ZNF410: variants seen among roughly 807,000 people sequenced by gnomAD.
ZNF410 encodes the protein another partner for ARF 1.
A neutral mutation model predicts 54.8 loss-of-function variants in ZNF410; 18 were observed. The observed-to-expected ratio is 0.33, with a 90% CI of 0.23 to 0.49. The LOEUF (loss-of-function observed/expected upper bound fraction) is 0.49, where lower values mean the gene tolerates loss of function less well. Among genes scored for constraint, ZNF410 ranks in the 20% least tolerant of loss-of-function variants. The pLI, the probability that ZNF410 is intolerant of heterozygous loss-of-function variation, is 0.99. For missense variants in ZNF410, 405 were observed against 569.6 expected (o/e 0.71, Z 2.94); for synonymous variants, 191 against 207.3 (o/e 0.92, Z 0.68).
At chr14:73,901,591 G>A (rs12587320) in intron 5 of ZNF410, among the ~76,000 whole-genome samples, 22,815 of 151,352 alleles carry the variant, frequency 0.15, 2,225 homozygotes, top group East Asian at 0.33. Flanking sequence ...TCTATAAAAC[G>A]GAATCCAGAA....
intron 11 of ZNF410, among the ~76,000 whole-genome samples, chr14:73,930,738 G>T (rs908167637): frequency 3.9e-5 from 6 of 152,020 alleles, no homozygotes; most frequent in Admixed American, 2.0e-4. Flanking sequence ...AAGTAGCTAG[G>T]ACTGCAAGCA....
chr14:73,923,663 C>A, intron 11 of ZNF410, 141 bp downstream of exon 11: 1 of 1,168,882 alleles, frequency 8.6e-7, no homozygotes, highest in Non-Finnish European at 1.2e-6. Context: ...AGCATGAGTT[C>A]AGCTTGAAAG....
At chr14:73,910,094 T>G (rs2055554050) in intron 8 of ZNF410, among the ~76,000 whole-genome samples, 1 of 152,106 alleles carries the variant, frequency 6.6e-6, no homozygotes, top group Non-Finnish European at 1.5e-5. Context: ...TTAGAAGGAC[T>G]TTTTTCCTGT....
chr14:73,910,819 G>A lies in ZNF410; in HGVS notation c.1003+1389G>A, dbSNP rs541174801. Among the ~76,000 whole-genome samples, 492 of 139,068 alleles carry A rather than the reference G, an allele frequency of 3.5e-3. 13 individuals carry two copies. Among genetic ancestry groups the A allele is most frequent in the African/African-American group, 0.014 (476 of 35,146 alleles). 91.2% of individuals were successfully genotyped at this position (139,068 alleles called of 152,430 possible). The stretch of plus-strand genomic sequence containing the variant: ...TGAGGCTGCAGTGAGTTGTGATTGC[G>A]CCACTGCACTGCAGCCTGGGTGACA... On this transcript the variant is annotated intron_variant, in intron 8 of 11. Transcript: ENST00000555044.
At chr14:73,928,918 CA>C (rs1352389420) in intron 11 of ZNF410, among the ~76,000 whole-genome samples, 2 of 152,104 alleles carry the variant, frequency 1.3e-5, no homozygotes, top group African/African-American at 2.4e-5. Context: ...CACTGCACTC[CA>C]GCCTGGGAGA....
rs754501204 is a variant in ZNF410, at chr14:73,931,534, G to A, written c.1430G>A (p.Arg477Gln). 11 of 1,608,040 alleles carry A rather than the reference G, an allele frequency of 6.8e-6. No homozygotes were observed. The highest frequency in any genetic ancestry group is 2.2e-5 in the East Asian group (1 of 44,756). ...LLNQGDLTER[R>Q]T ...AACCAAGGAGATTTAACTGAAAGAC[G>A]GACATGAGCGTGGGTGCTGACTCCT... Residue 477 changes from arginine (R) to glutamine (Q), a missense_variant, in exon 12 of 12, where the codon CGG (arginine) becomes CAG (glutamine). Transcript: ENST00000555044.
chr14:73,905,940 T>TACACAC (rs2055477225), intron 7 of ZNF410, among the ~76,000 whole-genome samples: 1 of 91,914 alleles, frequency 1.1e-5, no homozygotes, highest in African/African-American at 6.6e-5. Context: ...TACATACATA[T>TACACAC]ATATACACAC....
At chr14:73,918,295 G>T (rs2055699769) in intron 8 of ZNF410, among the ~76,000 whole-genome samples, 1 of 152,002 alleles carries the variant, frequency 6.6e-6, no homozygotes, top group Non-Finnish European at 1.5e-5. Flanking sequence ...TAGAGACAGG[G>T]TTTCACCATG....
chr14:73,923,578 G>A, intron 11 of ZNF410, 56 bp downstream of exon 11: 1 of 1,557,942 alleles, frequency 6.4e-7, no homozygotes, highest in Non-Finnish European at 8.7e-7. Context: ...GAATGATTGA[G>A]AATTTAGAGG....
rs536632956 is a variant in ZNF410 at position 73,923,245 on chromosome 14, G to T, written c.1271-150G>T. Reference sequence around the variant, plus strand: ...ATTACTTTCCAAATTCACTGATAATGCTTATCAGACAGGATTAACTTGGAA... The same window carrying T: ...ATTACTTTCCAAATTCACTGATAATTCTTATCAGACAGGATTAACTTGGAA... On this transcript the variant is annotated intron_variant, in intron 10 of 11. Coordinates refer to ENST00000555044, the MANE Select transcript of ZNF410 (RefSeq NM_021188.3). 1.7e-5 allele frequency: 14 copies of T among 834,288 alleles called. No individual in the cohort carries two copies. In the South Asian group the frequency reaches 4.0e-4, roughly 24 times the overall value. 51.7% of individuals were successfully genotyped at this position (834,288 alleles called of 1,614,324 possible).
intron 4 of ZNF410, 56 bp from the exon 5 acceptor site, chr14:73,898,015 G>A: frequency 6.8e-7 from 1 of 1,470,244 alleles, no homozygotes; most frequent in Non-Finnish European, 9.2e-7. Context: ...CTCTGAGCCA[G>A]GGCAAATAAA....
At chr14:73,919,886 G>GT (rs1158550117) in intron 8 of ZNF410, among the ~76,000 whole-genome samples, 17,628 of 61,712 alleles carry the variant, frequency 0.29, 3,485 homozygotes, top group Non-Finnish European at 0.36. Flanking sequence ...TATTGTATAG[G>GT]TTTTTTTTTT....
chr14:73,891,730 C>A, intron 1 of ZNF410: 2 of 356,376 alleles, frequency 5.6e-6, no homozygotes, highest in South Asian at 7.2e-5. Flanking sequence ...TGTGTGTATA[C>A]ATTGCTTCCA....
intron 11 of ZNF410, among the ~76,000 whole-genome samples, chr14:73,924,396 C>T (rs1201881314): frequency 1.3e-5 from 2 of 152,106 alleles, no homozygotes; most frequent in East Asian, 3.9e-4. Flanking sequence ...CAGTGCTGGT[C>T]CATGGCCTGG....
chr14:73,904,150 T>A, intron 6 of ZNF410, 40 bp downstream of exon 6: 1 of 1,581,364 alleles, frequency 6.3e-7, no homozygotes, highest in Non-Finnish European at 8.6e-7. Flanking sequence ...TATACGTTGA[T>A]GCAAAAGTTG....
At chr14:73,928,177 G>A (rs1458938799) in intron 11 of ZNF410, among the ~76,000 whole-genome samples, 1 of 152,162 alleles carries the variant, frequency 6.6e-6, no homozygotes, top group Non-Finnish European at 1.5e-5. Flanking sequence ...TTCCAGTCTT[G>A]GGAGAAGTCA....
chr14:73,918,686 CTTTTTTTTT>C (rs71115932), intron 8 of ZNF410, among the ~76,000 whole-genome samples: 2 of 74,644 alleles, frequency 2.7e-5, no homozygotes, highest in African/African-American at 6.3e-5. Flanking sequence ...TTCATATGGC[CTTTTTTTTT>C]TTTTTTTTTT....
At position 73,896,431 on chromosome 14, in the gene ZNF410, G is replaced by A; in HGVS notation, c.285G>A (p.Gln95=). 6.2e-7 allele frequency: 1 copy of A among 1,614,200 alleles called. No individual in the cohort carries two copies. Among genetic ancestry groups the A allele is most frequent in the Non-Finnish European group, 8.5e-7 (1 of 1,180,044 alleles). ...AGGAGACGAGAGCTCAGACTGTACAGAAATCCCCGGAGTTTTTGTCCACTT... is the reference window on the plus strand; with the variant it reads ...AGGAGACGAGAGCTCAGACTGTACAAAAATCCCCGGAGTTTTTGTCCACTT... ...DGEETRAQTV[Q]KSPEFLSTSE... Residue 95 remains glutamine (Q), a synonymous_variant, in exon 4 of 12, where the codon CAG becomes CAA. Coordinates refer to ENST00000555044, the MANE Select transcript of ZNF410 (RefSeq NM_021188.3).
At chr14:73,929,014 C>CA (rs2055873811) in intron 11 of ZNF410, among the ~76,000 whole-genome samples, 1 of 152,070 alleles carries the variant, frequency 6.6e-6, no homozygotes, top group Non-Finnish European at 1.5e-5. Context: ...AATGGAAGCC[C>CA]AAAACACTTA....
Sources: gnomAD v4.1 joint callset for allele counts (sites outside exome capture counted in the v4.1 genomes callset) on GRCh38, gnomAD v4.1.1 for gene constraint, MANE v1.5 for transcripts, NCBI Gene and HGNC (gene_info 2026-07-23, HGNC 2026-07-21) for gene names.